MYO1F: variants seen among roughly 807,000 people sequenced by gnomAD.
MYO1F encodes unconventional myosin-If.
In MYO1F, 60 loss-of-function variants were observed where a neutral mutation model predicts 146.6. The ratio of observed to expected loss-of-function variants is 0.41; its 90% CI spans 0.33 to 0.51. The LOEUF (loss-of-function observed/expected upper bound fraction) is 0.51, where lower values mean the gene tolerates loss of function less well. MYO1F is among the 20% of genes least tolerant of loss of function. The pLI is 0.25. For missense variants in MYO1F, 1,274 were observed against 1,534.3 expected (o/e 0.83, Z 2.83); for synonymous variants, 602 against 602.1 (o/e 1.00, Z 0.00).
intron 1 of MYO1F, chr19:8,576,975 A>C: frequency 5.9e-6 from 3 of 508,886 alleles, no homozygotes; most frequent in Middle Eastern, 5.4e-4. Flanking sequence ...TGGACTGGGA[A>C]AGGGCTCCCT....
intron 1 of MYO1F, among the ~76,000 whole-genome samples, chr19:8,570,401 G>T (rs1212970832): frequency 6.8e-6 from 1 of 147,676 alleles, no homozygotes; most frequent in Non-Finnish European, 1.5e-5. Flanking sequence ...ATGGAGTCTC[G>T]CTCTTGTTGC....
rs187760822 is a variant in MYO1F at position 8,533,872 on chromosome 19, C to T, written c.2043+2380G>A. Among the ~76,000 whole-genome samples, 449 of 152,162 alleles carry T rather than the reference C, an allele frequency of 3.0e-3. 4 individuals carry two copies. The highest frequency in any genetic ancestry group is 0.01 in the African/African-American group (425 of 41,528). Reference sequence around the variant, plus strand: ...GCAGATAAAATGTTTGAGGATGGCCCAAACCATGTTCATAAGAAAATCAAA... The same window carrying T: ...GCAGATAAAATGTTTGAGGATGGCCTAAACCATGTTCATAAGAAAATCAAA... On this transcript the variant is annotated intron_variant, in intron 19 of 27. Coordinates refer to ENST00000644032, the MANE Select transcript of MYO1F (RefSeq NM_012335.4).
At chr19:8,546,056 CTTTTTTTT>C (rs58638075) in intron 12 of MYO1F, among the ~76,000 whole-genome samples, 1 of 94,936 alleles carries the variant, frequency 1.1e-5, no homozygotes, top group Non-Finnish European at 2.0e-5. Context: ...TATTTTGACT[CTTTTTTTT>C]TTTTTTTTTT....
chr19:8,553,894 A>ACACACACACACTCTCTCTCTCTCTCT, intron 4 of MYO1F, among the ~76,000 whole-genome samples: 2 of 102,666 alleles, frequency 1.9e-5, no homozygotes, highest in African/African-American at 8.3e-5. Flanking sequence ...ACACACACAC[A>ACACACACACACTCTCTCTCTCTCTCT]CTCTCTCTCT....
intron 10 of MYO1F, chr19:8,549,689 G>C (rs1240653601): frequency 5.5e-6 from 1 of 180,278 alleles, no homozygotes; most frequent in African/African-American, 2.4e-5. Flanking sequence ...ATTTTTAGTA[G>C]AGAGGGGGTT....
chr19:8,553,890 A>ACTCTCTCTCTCTCTCT (rs750034709), intron 4 of MYO1F, among the ~76,000 whole-genome samples: 14 of 57,930 alleles, frequency 2.4e-4, no homozygotes, highest in South Asian at 1.4e-3. Context: ...ACACACACAC[A>ACTCTCTCTCTCTCTCT]CACACTCTCT....
In MYO1F at chr19:8,522,673, T is replaced by C. The variant is rs377201964; in HGVS notation, c.3011A>G (p.Asn1004Ser). 2.5e-5 allele frequency: 41 copies of C among 1,613,848 alleles called. No individual in the cohort carries two copies. In the African/African-American group the frequency reaches 5.2e-4, roughly 20 times the overall value. Reference protein sequence around the residue: ...RPRARPPSEHNTEFLNVPDQG... With the variant: ...RPRARPPSEHSTEFLNVPDQG... ...GTCAGGCACGTTGAGGAATTCTGTGTTGTGCTCTGAGGGCGGACGTGCCCG... is the reference window on the plus strand; with the variant it reads ...GTCAGGCACGTTGAGGAATTCTGTGCTGTGCTCTGAGGGCGGACGTGCCCG... The change falls in exon 26 of 28, where the codon AAC (asparagine) becomes AGC (serine). Residue 1004 changes from asparagine (N) to serine (S), a missense_variant. Asn to Ser is a conservative substitution (Grantham distance 46). Transcript: ENST00000644032.
rs782198199 is a variant in MYO1F, at chr19:8,577,377, G to A, written c.-68C>T. ...GTCGTGATGGAGGTGCAGGTTCAGG[G>A]GGATCTTGGGGGTGGCTTGGGCATG... On this transcript the variant is annotated 5_prime_UTR_variant, in exon 1 of 28. Coordinates refer to ENST00000644032, the MANE Select transcript of MYO1F (RefSeq NM_012335.4). This position sits in a 1 kb window ranked among gnomAD's most constrained non-coding sequence, Gnocchi z 4.3. The A allele has an allele frequency of 3.8e-6, 6 of 1,582,162 alleles. No individual in the cohort carries two copies. Among genetic ancestry groups the A allele is most frequent in the Non-Finnish European group, 5.2e-6 (6 of 1,152,430 alleles).
intron 1 of MYO1F, among the ~76,000 whole-genome samples, chr19:8,575,517 C>T (rs2042224730): frequency 1.3e-5 from 2 of 151,824 alleles, no homozygotes; most frequent in Non-Finnish European, 2.9e-5. Flanking sequence ...GCCTGCCACT[C>T]ATCTCCTGCT....
chr19:8,536,321 C>T lies in MYO1F; in HGVS notation c.1974G>A (p.Arg658=). The change falls in exon 19 of 28, where the codon CGG becomes CGA. Residue 658 remains arginine, a synonymous_variant. Coordinates refer to ENST00000644032, the MANE Select transcript of MYO1F (RefSeq NM_012335.4). ...DERQGVQHLL[R]AVNMEPDQYQ... ...ACTGGTCGGGCTCCATGTTGACCGCCCGAAGCAGGTGCTGGACGCCCTGGC... is the reference window on the plus strand; with the variant it reads ...ACTGGTCGGGCTCCATGTTGACCGCTCGAAGCAGGTGCTGGACGCCCTGGC... The T allele has an allele frequency of 6.2e-7, 1 of 1,608,232 alleles. No individual in the cohort carries two copies. Among genetic ancestry groups the T allele is most frequent in the Non-Finnish European group, 8.5e-7 (1 of 1,179,962 alleles).
At chr19:8,550,022 ACTT>A (rs1286750717) in intron 10 of MYO1F, 135 bp downstream of exon 10, 20 of 987,982 alleles carry the variant, frequency 2.0e-5, no homozygotes, top group Non-Finnish European at 2.5e-5. Context: ...CTGGTCTTGA[ACTT>A]CTGGCCTCAA....
rs117506721 is a variant in MYO1F at position 8,556,558 on chromosome 19, A to G, written c.4-762T>C. Reference sequence around the variant, plus strand: ...ATGAGATCTCAAGCCATGAAAAGACATGGAGGAAACTTAAAGGCATATCAC... The same window carrying G: ...ATGAGATCTCAAGCCATGAAAAGACGTGGAGGAAACTTAAAGGCATATCAC... On this transcript the variant is annotated intron_variant, in intron 1 of 27. Coordinates refer to ENST00000644032, the MANE Select transcript of MYO1F (RefSeq NM_012335.4). Among the ~76,000 whole-genome samples, 165 of 151,634 alleles carry G rather than the reference A, an allele frequency of 1.1e-3. 4 individuals are homozygous for G. The East Asian group carries it at 0.032, about 30-fold the overall frequency.
intron 25 of MYO1F, among the ~76,000 whole-genome samples, chr19:8,523,095 G>A (rs1024908548): frequency 8.7e-5 from 13 of 150,198 alleles, no homozygotes; most frequent in African/African-American, 2.0e-4. Context: ...GCAGTGGCGC[G>A]ATCTCGGCTC....
intron 1 of MYO1F, among the ~76,000 whole-genome samples, chr19:8,573,717 G>A (rs900916153): frequency 6.6e-6 from 1 of 152,096 alleles, no homozygotes; most frequent in African/African-American, 2.4e-5. Flanking sequence ...GGGTGTGGTG[G>A]CAGGTGCTTG....
At position 8,550,371 on chromosome 19, in the gene MYO1F, G is replaced by A; in HGVS notation, c.905-15C>T. 1 of 1,606,128 alleles carries A rather than the reference G, an allele frequency of 6.2e-7. No individual in the cohort carries two copies. The highest frequency in any genetic ancestry group is 8.5e-7 in the Non-Finnish European group (1 of 1,176,376). On this transcript the variant is annotated splice_polypyrimidine_tract_variant and intron_variant, in intron 9 of 27. Transcript: ENST00000644032. ...AAAGGCCAGGACTACCAGGGCAAAG[G>A]TCAGGGCAAAAATGGGACAGTTGGT...
intron 8 of MYO1F, chr19:8,551,376 TAG>T: frequency 6.7e-6 from 1 of 148,612 alleles, no homozygotes; most frequent in Non-Finnish European, 1.2e-5. Flanking sequence ...TTTTGAGATG[TAG>T]TCTCACTCTG....
chr19:8,548,873 C>T (rs1599979058), intron 10 of MYO1F, among the ~76,000 whole-genome samples: 1 of 151,942 alleles, frequency 6.6e-6, no homozygotes, highest in East Asian at 1.9e-4. Context: ...CAGGTGTGAG[C>T]CACTGCGCCC....
intron 1 of MYO1F, among the ~76,000 whole-genome samples, chr19:8,566,073 C>G (rs1471644222): frequency 6.6e-6 from 1 of 151,828 alleles, no homozygotes; most frequent in Admixed American, 6.6e-5. Context: ...TGTGGCAGCA[C>G]TCCAGCCTGG....
In MYO1F at chr19:8,526,459, T is replaced by G. The variant is rs993875729; in HGVS notation, c.2764A>C (p.Ser922Arg). ...TVSVGDGLPK[S>R]SKPTRKGMAK... ...TAGTTCCGCGCAGACTCACTGGAGCTCTTGGGCAGCCCATCGCCCACGCTG... is the reference window on the plus strand; with the variant it reads ...TAGTTCCGCGCAGACTCACTGGAGCGCTTGGGCAGCCCATCGCCCACGCTG... The change falls in exon 24 of 28, where the codon AGC becomes CGC. Residue 922 changes from serine to arginine, a missense_variant. Ser to Arg is a moderately radical substitution (Grantham distance 110). This residue lies in a region of MYO1F where 374 missense variants were observed against 379.2 expected (regional missense o/e 0.99). Coordinates refer to ENST00000644032, the MANE Select transcript of MYO1F (RefSeq NM_012335.4). 5 of 1,556,854 alleles carry G rather than the reference T, an allele frequency of 3.2e-6. No individual in the cohort carries two copies. The highest frequency in any genetic ancestry group is 1.4e-5 in the African/African-American group (1 of 73,768).
Sources: gnomAD v4.1 joint callset for allele counts (sites outside exome capture counted in the v4.1 genomes callset) on GRCh38, gnomAD v4.1.1 for gene constraint, gnomAD v4.1.1 regional missense constraint, Gnocchi (gnomAD v3.1) non-coding constraint, MANE v1.5 for transcripts, NCBI Gene and HGNC (gene_info 2026-07-23, HGNC 2026-07-21) for gene names.